Variants in LRP1B observed in about 807,000 individuals in gnomAD.
LRP1B encodes LDL receptor related protein 1B.
In LRP1B, 217 loss-of-function variants were observed where a neutral mutation model predicts 556.6. That is an observed-to-expected ratio of 0.39 (90% CI 0.35 to 0.44). The LOEUF (loss-of-function observed/expected upper bound fraction) is 0.44. Among genes scored for constraint, LRP1B ranks in the 20% least tolerant of loss-of-function variants. The pLI is 1.00. For missense variants in LRP1B, 5,053 were observed against 5,620.8 expected (o/e 0.90, Z 3.23); for synonymous variants, 2,047 against 1,865.8 (o/e 1.10, Z -2.50).
intron 3 of LRP1B, among the ~76,000 whole-genome samples, chr2:141,263,375 T>C (rs947300985): frequency 1.3e-5 from 2 of 151,986 alleles, no homozygotes; most frequent in Non-Finnish European, 2.9e-5. Flanking sequence ...AAAAGAAAAC[T>C]ATGAACAACT....
intron 31 of LRP1B, among the ~76,000 whole-genome samples, chr2:140,838,984 G>A (rs565640351): frequency 2.4e-4 from 36 of 152,220 alleles, no homozygotes; most frequent in Non-Finnish European, 4.1e-4. Context: ...GTGCCATCAC[G>A]TTATAGCTGA....
chr2:140,652,745 C>T (rs1684734715), intron 41 of LRP1B, among the ~76,000 whole-genome samples: 1 of 151,926 alleles, frequency 6.6e-6, no homozygotes, highest in Non-Finnish European at 1.5e-5. Flanking sequence ...TGTTCCAGTA[C>T]CATATTTAGT....
At chr2:140,934,639 T>C (rs551803810) in intron 20 of LRP1B, among the ~76,000 whole-genome samples, 1 of 152,226 alleles carries the variant, frequency 6.6e-6, no homozygotes, top group South Asian at 2.1e-4. Flanking sequence ...TGCACACAGC[T>C]TGTGTGATCC....
chr2:141,877,222 C>T (rs1379635438), intron 1 of LRP1B, among the ~76,000 whole-genome samples: 1 of 151,654 alleles, frequency 6.6e-6, no homozygotes, highest in Non-Finnish European at 1.5e-5. Context: ...AAAGAATTTC[C>T]TGAACTTGAT....
intron 2 of LRP1B, among the ~76,000 whole-genome samples, chr2:141,621,094 T>C (rs985901699): frequency 5.3e-5 from 8 of 152,220 alleles, no homozygotes; most frequent in Non-Finnish European, 1.0e-4. Context: ...ATTGTCTCTA[T>C]AGTCAGTAAT....
intron 1 of LRP1B, among the ~76,000 whole-genome samples, chr2:141,989,370 A>C (rs2105111786): frequency 6.6e-6 from 1 of 152,254 alleles, no homozygotes; most frequent in East Asian, 1.9e-4. Context: ...AAAAAAAGAA[A>C]GTCAAGGGTC....
intron 2 of LRP1B, among the ~76,000 whole-genome samples, chr2:141,561,917 GCCAATAGAAGTTAA>G (rs1686168170): frequency 6.6e-6 from 1 of 151,746 alleles, no homozygotes; most frequent in South Asian, 2.1e-4. Flanking sequence ...AGAACAGATT[GCCAATAGAAGTTAA>G]CCATCTCCTA....
intron 3 of LRP1B, among the ~76,000 whole-genome samples, chr2:141,352,836 T>C (rs1015615377): frequency 6.6e-6 from 1 of 151,982 alleles, no homozygotes; most frequent in Non-Finnish European, 1.5e-5. Context: ...AACCACAATG[T>C]CTGATGCAGT....
intron 29 of LRP1B, among the ~76,000 whole-genome samples, chr2:140,846,723 G>C (rs1692284426): frequency 6.6e-6 from 1 of 152,036 alleles, no homozygotes; most frequent in African/African-American, 2.4e-5. Flanking sequence ...CCAATAGAGA[G>C]ACGAGAGCTA....
At chr2:140,714,956 A>G (rs187398601) in intron 37 of LRP1B, among the ~76,000 whole-genome samples, 1 of 152,314 alleles carries the variant, frequency 6.6e-6, no homozygotes, top group Admixed American at 6.5e-5. Flanking sequence ...ACAACAATCT[A>G]AACTATTTTC....
intron 2 of LRP1B, among the ~76,000 whole-genome samples, chr2:141,807,806 T>C (rs1350993330): frequency 6.6e-6 from 1 of 151,986 alleles, no homozygotes; most frequent in African/African-American, 2.4e-5. Flanking sequence ...GCAGTGGAGA[T>C]TTTGACCATT....
intron 2 of LRP1B, among the ~76,000 whole-genome samples, chr2:141,708,292 T>C: frequency 6.6e-6 from 1 of 152,104 alleles, no homozygotes; most frequent in South Asian, 2.1e-4. Flanking sequence ...AGTGTAATGA[T>C]ATCAAAGGGG....
At chr2:140,639,310 T>A (rs1021230839) in intron 41 of LRP1B, among the ~76,000 whole-genome samples, 3 of 152,198 alleles carry the variant, frequency 2.0e-5, no homozygotes, top group African/African-American at 7.2e-5. Flanking sequence ...TCATCTTGAA[T>A]TTTTTTGACC....
chr2:141,606,863 C>T (rs569739702), intron 2 of LRP1B, among the ~76,000 whole-genome samples: 12 of 152,160 alleles, frequency 7.9e-5, no homozygotes, highest in South Asian at 2.1e-4. Flanking sequence ...GCAAACTATA[C>T]GAGGAATATA....
chr2:140,766,823 AT>A (rs1689121339), intron 35 of LRP1B, among the ~76,000 whole-genome samples: 1 of 74,698 alleles, frequency 1.3e-5, no homozygotes, highest in Non-Finnish European at 2.6e-5. Context: ...TCTTTGTAAA[AT>A]ATATATATAT....
At chr2:140,461,563 G>C (rs1339131863) in intron 60 of LRP1B, among the ~76,000 whole-genome samples, 5 of 152,124 alleles carry the variant, frequency 3.3e-5, no homozygotes. Flanking sequence ...GGCCAGGCGT[G>C]GTGGCTGACA....
intron 7 of LRP1B, among the ~76,000 whole-genome samples, chr2:141,084,624 T>A (rs1295199841): frequency 6.6e-6 from 1 of 151,522 alleles, no homozygotes; most frequent in Non-Finnish European, 1.5e-5. Flanking sequence ...TCATTTTGTG[T>A]GAGTCTTGTC....
At chr2:140,914,831 T>C (rs1573874252) in intron 21 of LRP1B, among the ~76,000 whole-genome samples, 1 of 152,242 alleles carries the variant, frequency 6.6e-6, no homozygotes, top group East Asian at 1.9e-4. Flanking sequence ...CAGGGTTAAG[T>C]GTTGCAGAGA....
chr2:141,457,143 G>A (rs73963089), intron 3 of LRP1B, among the ~76,000 whole-genome samples: 3,994 of 152,204 alleles, frequency 0.026, 180 homozygotes, highest in African/African-American at 0.092. Context: ...GGTGAATTCT[G>A]GAAGTAGTTA....
Sources: gnomAD v4.1 joint callset for allele counts (sites outside exome capture counted in the v4.1 genomes callset) on GRCh38, gnomAD v4.1.1 for gene constraint, MANE v1.5 for transcripts, NCBI Gene and HGNC (gene_info 2026-07-23, HGNC 2026-07-21) for gene names.